GRIK2: variants seen among roughly 807,000 people sequenced by gnomAD.
The protein encoded by GRIK2 is glutamate receptor ionotropic, kainate 2.
Under a neutral mutation model 100.3 loss-of-function variants are expected in GRIK2, and 32 were observed. The observed-to-expected ratio is 0.32, with a 90% confidence interval of 0.24 to 0.43. The LOEUF is 0.43. GRIK2 is among the 20% of genes least tolerant of loss of function. The pLI, the probability that GRIK2 is intolerant of heterozygous loss-of-function variation, is 1.00. For missense variants in GRIK2, 843 were observed against 1,114.9 expected (o/e 0.76, Z 3.47); for synonymous variants, 417 against 389.4 (o/e 1.07, Z -0.83).
chr6:102,018,463 G>A (rs575438481), intron 14 of GRIK2, among the ~76,000 whole-genome samples: 2 of 152,126 alleles, frequency 1.3e-5, no homozygotes, highest in Non-Finnish European at 2.9e-5. Flanking sequence ...ATATGGTGAA[G>A]TATTTCAAAA....
At chr6:101,418,763 T>A (rs1776275816) in intron 2 of GRIK2, among the ~76,000 whole-genome samples, 3 of 152,160 alleles carry the variant, frequency 2.0e-5, no homozygotes, top group Non-Finnish European at 4.4e-5. Context: ...TCTCTCAACA[T>A]CAGTTGAATG....
intron 2 of GRIK2, among the ~76,000 whole-genome samples, chr6:101,536,461 G>A (rs940788973): frequency 6.6e-6 from 1 of 151,460 alleles, no homozygotes; most frequent in Non-Finnish European, 1.5e-5. Flanking sequence ...TAAGGGGTAG[G>A]ACCACACAAA....
chr6:101,804,967 A>G (rs561595941), intron 9 of GRIK2, among the ~76,000 whole-genome samples: 1 of 152,116 alleles, frequency 6.6e-6, no homozygotes, highest in African/African-American at 2.4e-5. Context: ...CTCAAGGTCT[A>G]GATTCAGAGA....
intron 2 of GRIK2, among the ~76,000 whole-genome samples, chr6:101,621,456 G>GA (rs1254161072): frequency 6.6e-6 from 1 of 151,358 alleles, no homozygotes; most frequent in Non-Finnish European, 1.5e-5. Flanking sequence ...TCTTAAAAAA[G>GA]AAAAAAAATT....
chr6:101,992,645 G>A (rs1205528705), intron 14 of GRIK2, among the ~76,000 whole-genome samples: 2 of 151,584 alleles, frequency 1.3e-5, no homozygotes, highest in Non-Finnish European at 3.0e-5. Context: ...AAGTGAAATA[G>A]GAAGGTCACA....
intron 2 of GRIK2, among the ~76,000 whole-genome samples, chr6:101,446,096 T>TGG (rs1248314717): frequency 6.6e-6 from 1 of 151,994 alleles, no homozygotes; most frequent in Non-Finnish European, 1.5e-5. Flanking sequence ...ACTCAGCACC[T>TGG]GGCCTGTTCC....
chr6:101,610,756 CCTTTT>C (rs1162773624), intron 2 of GRIK2, among the ~76,000 whole-genome samples: 1 of 151,690 alleles, frequency 6.6e-6, no homozygotes, highest in Non-Finnish European at 1.5e-5. Flanking sequence ...TCACTTTTCG[CCTTTT>C]CTTTTCATTT....
At chr6:101,878,878 T>A (rs1235641136) in intron 11 of GRIK2, among the ~76,000 whole-genome samples, 1 of 152,050 alleles carries the variant, frequency 6.6e-6, no homozygotes, top group African/African-American at 2.4e-5. Context: ...ACTACCTGGA[T>A]CAAGCAGTAT....
rs183798287 is a variant in GRIK2 at position 101,933,643 on chromosome 6, T to G, written c.2085+5011T>G. The stretch of plus-strand genomic sequence containing the variant: ...AATCAATGCCACAGCTTTTCTTTAT[T>G]GCAGCACCTTGTTACTTTTGTCAAA... On this transcript the variant is annotated intron_variant, in intron 14 of 16. Transcript: ENST00000369134. Among the ~76,000 whole-genome samples the G allele has an allele frequency of 2.0e-5, 3 of 152,106 alleles. No individual in the cohort carries two copies. The East Asian group carries it at 5.8e-4, about 29-fold the overall frequency.
intron 4 of GRIK2, among the ~76,000 whole-genome samples, chr6:101,669,636 GC>G (rs774379482): frequency 5.9e-5 from 9 of 152,022 alleles, no homozygotes; most frequent in Non-Finnish European, 1.3e-4. Context: ...TAAATATATA[GC>G]CAATAATGTA....
At chr6:101,890,697 T>C (rs1048648445) in intron 12 of GRIK2, among the ~76,000 whole-genome samples, 2 of 152,032 alleles carry the variant, frequency 1.3e-5, no homozygotes, top group African/African-American at 4.8e-5. Context: ...CTCTCGGAGG[T>C]GTAAATTTAT....
chr6:101,581,167 C>CAT (rs56887492), intron 2 of GRIK2, among the ~76,000 whole-genome samples: 8,697 of 148,578 alleles, frequency 0.059, 302 homozygotes, highest in South Asian at 0.1. Context: ...GATATATATA[C>CAT]ATATATATAT....
chr6:101,773,755 C>G (rs1778558641), intron 7 of GRIK2, among the ~76,000 whole-genome samples: 1 of 152,060 alleles, frequency 6.6e-6, no homozygotes, highest in South Asian at 2.1e-4. Context: ...TGTGAGGTAG[C>G]TTACCATATT....
chr6:102,024,422 T>C (rs1204674560), intron 14 of GRIK2, among the ~76,000 whole-genome samples: 10 of 151,258 alleles, frequency 6.6e-5, no homozygotes, highest in Non-Finnish European at 1.5e-4. Flanking sequence ...AGGGCAAGTC[T>C]CCCTTTTCCA....
intron 7 of GRIK2, among the ~76,000 whole-genome samples, chr6:101,758,668 T>G (rs568730961): frequency 1.3e-4 from 20 of 152,276 alleles, no homozygotes; most frequent in Admixed American, 3.9e-4. Flanking sequence ...ACTGAGAGAT[T>G]TATTAAATTT....
At chr6:101,991,399 T>TG (rs1486243187) in intron 14 of GRIK2, among the ~76,000 whole-genome samples, 2 of 150,838 alleles carry the variant, frequency 1.3e-5, no homozygotes, top group Non-Finnish European at 3.0e-5. Context: ...ATGTTTTTTT[T>TG]TTTACAATTT....
intron 14 of GRIK2, among the ~76,000 whole-genome samples, chr6:101,980,783 TA>T (rs1793666396): frequency 6.6e-6 from 1 of 151,762 alleles, no homozygotes; most frequent in South Asian, 2.1e-4. Flanking sequence ...AAAAGATTTG[TA>T]TTAGTTATAA....
chr6:101,707,588 G>A (rs1415039708), intron 7 of GRIK2, among the ~76,000 whole-genome samples: 4,557 of 130,552 alleles, frequency 0.035, 371 homozygotes, highest in African/African-American at 0.14. Context: ...GTGTGTGTGT[G>A]TGTGTGTATA....
intron 10 of GRIK2, among the ~76,000 whole-genome samples, chr6:101,822,964 C>T (rs1782050652): frequency 6.6e-6 from 1 of 152,034 alleles, no homozygotes; most frequent in Non-Finnish European, 1.5e-5. Context: ...AATTATTTAC[C>T]TAAAGCAATG....
Sources: allele counts gnomAD v4.1 joint callset (sites outside exome capture counted in the v4.1 genomes callset), GRCh38; gene constraint gnomAD v4.1.1; transcripts MANE v1.5; gene names NCBI Gene and HGNC (gene_info 2026-07-23, HGNC 2026-07-21).